The following TRH variants were observed in gnomAD, a reference collection of about 807,000 sequenced individuals.
The protein encoded by TRH is TSH-releasing factor.
In TRH, 5 loss-of-function variants were observed where a neutral mutation model predicts 5.2. The observed-to-expected ratio is 0.95, with a 90% CI of 0.50 to 2.00. The LOEUF (loss-of-function observed/expected upper bound fraction) is 2.00, where lower values mean the gene tolerates loss of function less well. Among genes scored for constraint, TRH ranks in the 30% most tolerant of loss-of-function variants. The pLI, the probability that TRH is intolerant of heterozygous loss-of-function variation, is 0.01. For missense variants in TRH, 318 were observed against 312.8 expected (o/e 1.02, Z -0.13); for synonymous variants, 131 against 128.6 (o/e 1.02, Z -0.13).
At chr3:129,975,381 A>C (rs1024056869) in intron 1 of TRH, among the ~76,000 whole-genome samples, 1 of 152,184 alleles carries the variant, frequency 6.6e-6, no homozygotes, top group Non-Finnish European at 1.5e-5. Context: ...GAACGTGGCG[A>C]TGGGGACCTT....
chr3:129,976,072 G>T lies in TRH; in HGVS notation c.211+45G>T, dbSNP rs370002357. On this transcript the variant is annotated intron_variant, in intron 2 of 2. Coordinates refer to ENST00000302649, the MANE Select transcript of TRH (RefSeq NM_007117.5). Reference sequence around the variant, plus strand: ...GGGGGCTGTGGGGCTAGGCTATTGGGAGAGCCGTGGAAACCTGCCGGCAAA... The same window carrying T: ...GGGGGCTGTGGGGCTAGGCTATTGGTAGAGCCGTGGAAACCTGCCGGCAAA... 3.7e-5 allele frequency: 59 copies of T among 1,589,174 alleles called. No individual in the cohort carries two copies. The African/African-American group carries it at 7.0e-4, about 19-fold the overall frequency.
Position 129,977,007 on chromosome 3 carries a change from G to A in TRH, c.520G>A (p.Glu174Lys). ...GAGCTGGGAAGAAGAGGAGGAGGAG[G>A]AAGAGAGAGAGGAAGACCTGATGCC... ...QRSWEEEEEE[E>K]EREEDLMPEK... is the part of the protein sequence containing the mutation. The change falls in exon 3 of 3, where the codon GAA becomes AAA. Residue 174 changes from glutamate (E) to lysine (K), a missense_variant. Coordinates refer to ENST00000302649, the MANE Select transcript of TRH (RefSeq NM_007117.5). 2 of 1,613,798 alleles carry A rather than the reference G, an allele frequency of 1.2e-6. No individual in the cohort carries two copies. Among genetic ancestry groups the A allele is most frequent in the Non-Finnish European group, 1.7e-6 (2 of 1,179,942 alleles).
At chr3:129,976,163 G>A (rs1299593217) in intron 2 of TRH, 136 bp downstream of exon 2, 19 of 1,062,854 alleles carry the variant, frequency 1.8e-5, no homozygotes, top group African/African-American at 3.2e-5. Flanking sequence ...CCCTGGCTGC[G>A]CCTAGGCGGG....
In TRH at chr3:129,975,971, T is replaced by C. The variant is rs771164122; in HGVS notation, c.155T>C (p.Leu52Pro). 1 of 1,614,054 alleles carries C rather than the reference T, an allele frequency of 6.2e-7. No individual in the cohort carries two copies. The highest frequency in any genetic ancestry group is 8.5e-7 in the Non-Finnish European group (1 of 1,179,974). ...GACTTCCTGCGCCAGGTGGAGCGCCTCCTCTTCCTCCGGGAAAACATCCAG... is the reference window on the plus strand; with the variant it reads ...GACTTCCTGCGCCAGGTGGAGCGCCCCCTCTTCCTCCGGGAAAACATCCAG... ...LDDFLRQVER[L>P]LFLRENIQRL... Residue 52 changes from leucine (L) to proline (P), a missense_variant, in exon 2 of 3, where the codon CTC becomes CCC. Leu to Pro is a moderately conservative substitution (Grantham distance 98, BLOSUM62 -3). Transcript: ENST00000302649.
intron 1 of TRH, among the ~76,000 whole-genome samples, chr3:129,975,183 T>G (rs1225154432): frequency 6.6e-6 from 1 of 152,076 alleles, no homozygotes; most frequent in Non-Finnish European, 1.5e-5. Context: ...ACGCTAGAAA[T>G]AGAATTTTAG....
chr3:129,976,966 A>T lies in TRH; in HGVS notation c.479A>T (p.Asp160Val), dbSNP rs144286314. ...CAGCACCCAGGCAGAAGGCTGGCAGATCCCAAGGCTCAAAGGAGCTGGGAA... is the reference window on the plus strand; with the variant it reads ...CAGCACCCAGGCAGAAGGCTGGCAGTTCCCAAGGCTCAAAGGAGCTGGGAA... The part of the protein sequence containing the change: ...KRQHPGRRLA[D>V]PKAQRSWEEE... Residue 160 changes from aspartate to valine, a missense_variant, in exon 3 of 3, where the codon GAT becomes GTT. Physicochemically the swap from Asp to Val is radical, Grantham distance 152. Transcript: ENST00000302649. 1.4e-5 allele frequency: 23 copies of T among 1,613,116 alleles called. No homozygotes were observed. Among genetic ancestry groups the T allele is most frequent in the Middle Eastern group, 1.6e-4 (1 of 6,082 alleles).
Position 129,975,554 on chromosome 3 carries a change from T to G in TRH, c.-8-255T>G, listed in dbSNP as rs562280268. ...CGCTGGCGATGGGGTTCCTACGGCC[T>G]CCTGCCTTGCGCAAGCAGAACTGGG... On this transcript the variant is annotated intron_variant, in intron 1 of 2. Transcript: ENST00000302649. Among the ~76,000 whole-genome samples, 4 of 152,276 alleles carry G rather than the reference T, an allele frequency of 2.6e-5. No individual in the cohort carries two copies. In the East Asian group the frequency reaches 7.7e-4, roughly 29 times the overall value.
In TRH at chr3:129,977,122, T is replaced by C; in HGVS notation, c.635T>C (p.Leu212Pro). ...AYGQAGLLLG[L>P]LDDLSRSQGA... ...GGTCAAGCGGGCCTTCTGCTGGGGC[T>C]CCTGGATGACCTGAGTAGGAGCCAG... is the stretch of plus-strand genomic sequence containing the variant. Residue 212 changes from leucine (L) to proline (P), a missense_variant, in exon 3 of 3, where the codon CTC becomes CCC. Physicochemically the swap from Leu to Pro is moderately conservative, Grantham distance 98. Transcript: ENST00000302649. 6 of 1,549,950 alleles carry C rather than the reference T, an allele frequency of 3.9e-6. No homozygotes were observed. In the Middle Eastern group the frequency reaches 8.9e-4, roughly 230 times the overall value.
rs139025700 is a variant in TRH, at chr3:129,976,776, G to A, written c.289G>A (p.Val97Ile). The change falls in exon 3 of 3, where the codon GTT becomes ATT. Residue 97 changes from valine to isoleucine, a missense_variant. Coordinates refer to ENST00000302649, the MANE Select transcript of TRH (RefSeq NM_007117.5). ...AAGAGAGGAGGAGGAGGAAGAGGGA[G>A]TTGAAGAAGAGGAAGAGGAAGAAGG... is the stretch of plus-strand genomic sequence containing the variant. Reference protein sequence around the residue: ...GKREEEEEEGVEEEEEEEGGA... With the variant: ...GKREEEEEEGIEEEEEEEGGA... The A allele has an allele frequency of 4.7e-5, 76 of 1,613,950 alleles. No individual in the cohort carries two copies. In the South Asian group the frequency reaches 6.2e-4, roughly 13 times the overall value.
chr3:129,977,464 TCCCA>T lies in TRH; in HGVS notation c.*249_*252del. ...TTAGCACCATAGGCAAGGGGGCAGA[TCCCA>T]GAGCCCCTCTCACCCCCCCCACCAC... On this transcript the variant is annotated 3_prime_UTR_variant, in exon 3 of 3. Coordinates refer to ENST00000302649, the MANE Select transcript of TRH (RefSeq NM_007117.5). 9 of 369,650 alleles carry T rather than the reference TCCCA, an allele frequency of 2.4e-5. No individual in the cohort carries two copies. The highest frequency in any genetic ancestry group is 2.0e-4 in the South Asian group (2 of 9,792). The allele number at this position is 369,650 out of a possible 1,614,324, so 22.9% of individuals were successfully genotyped here.
At position 129,976,015 on chromosome 3, in the gene TRH, GGT is replaced by G; in HGVS notation, c.201_202del (p.Glu68AlafsTer10). 2 of 1,614,046 alleles carry G rather than the reference GGT, an allele frequency of 1.2e-6. No individual in the cohort carries two copies. Among genetic ancestry groups the G allele is most frequent in the Non-Finnish European group, 1.7e-6 (2 of 1,179,950 alleles). ...ENIQRLQGDQ[G>X]EHSASQIFQS... ...CATCCAGCGGCTGCAAGGGGACCAG[GGT>G]GAGCACTCCGGTGAGTGGATGGGGC... On this transcript the variant is annotated frameshift_variant, in exon 2 of 3. Transcript: ENST00000302649. LOFTEE classifies it low-confidence loss of function (END_TRUNC).
Position 129,976,858 on chromosome 3 carries a change from C to T in TRH, c.371C>T (p.Ser124Leu), listed in dbSNP as rs1313478937. The change falls in exon 3 of 3, where the codon TCA (serine) becomes TTA (leucine). Residue 124 changes from serine (S) to leucine (L), a missense_variant. Physicochemically the swap from Ser to Leu is moderately radical, Grantham distance 145. Transcript: ENST00000302649. ...CCTGGCCGACGAGAAGATGAGGCTT[C>T]ATGGTCAGTCGATGTAACCCAGCAC... ...QHPGRREDEA[S>L]WSVDVTQHKR... The T allele has an allele frequency of 2.5e-6, 4 of 1,613,018 alleles. No homozygotes were observed. Among genetic ancestry groups the T allele is most frequent in the East Asian group, 2.2e-5 (1 of 44,782 alleles).
chr3:129,974,913 TGA>T (rs1294906788), intron 1 of TRH, 90 bp downstream of exon 1: 1 of 152,238 alleles, frequency 6.6e-6, no homozygotes, highest in Admixed American at 6.5e-5. Context: ...TTCGGTTCTC[TGA>T]GAGCTTCCTG....
chr3:129,976,045 T>C lies in TRH; in HGVS notation c.211+18T>C, dbSNP rs769926364. The C allele has an allele frequency of 1.2e-6, 2 of 1,611,774 alleles. No homozygotes were observed. The highest frequency in any genetic ancestry group is 1.7e-5 in the Admixed American group (1 of 59,790). On this transcript the variant is annotated intron_variant, in intron 2 of 2. Coordinates refer to ENST00000302649, the MANE Select transcript of TRH (RefSeq NM_007117.5). ...GCACTCCGGTGAGTGGATGGGGCTG[T>C]TGGGGGCTGTGGGGCTAGGCTATTG...
In TRH at chr3:129,974,726, G is replaced by A. The variant is rs5655; in HGVS notation, c.-106G>A. On this transcript the variant is annotated 5_prime_UTR_variant, in exon 1 of 3. Transcript: ENST00000302649. ...GGCCCATCTGAAGAGGGCTCGGCAG[G>A]CGCCCGGGGTCCTCAGCGCTGCAGA... 1.3e-5 allele frequency: 2 copies of A among 152,202 alleles called. No homozygotes were observed. The highest frequency in any genetic ancestry group is 4.8e-5 in the African/African-American group (2 of 41,448). 9.4% of individuals were successfully genotyped at this position (152,202 alleles called of 1,614,324 possible).
intron 1 of TRH, among the ~76,000 whole-genome samples, chr3:129,975,281 A>G (rs11709513): frequency 0.099 from 15,055 of 152,240 alleles, 966 homozygotes; most frequent in South Asian, 0.27. Context: ...AGCTTTGCAA[A>G]TAGACTTTGA....
Position 129,977,187 on chromosome 3 carries a change from G to T in TRH, c.700G>T (p.Ala234Ser), listed in dbSNP as rs1366334728. 8 of 1,518,448 alleles carry T rather than the reference G, an allele frequency of 5.3e-6. No individual in the cohort carries two copies. In the Admixed American group the frequency reaches 1.8e-4, roughly 34 times the overall value. 94.1% of individuals were successfully genotyped at this position (1,518,448 alleles called of 1,614,324 possible). A position where few individuals can be genotyped will look rare whatever the true frequency, so the allele number is the denominator to read the frequency against. ...GCGGCAGCACCCTGGTCGGCGGGCAGCCTGGGTCAGAGAGCCCCTGGAGGA... is the reference window on the plus strand; with the variant it reads ...GCGGCAGCACCCTGGTCGGCGGGCATCCTGGGTCAGAGAGCCCCTGGAGGA... ...EKRQHPGRRA[A>S]WVREPLEE The change falls in exon 3 of 3, where the codon GCC becomes TCC. Residue 234 changes from alanine (A) to serine (S), a missense_variant. Physicochemically the swap from Ala to Ser is moderately conservative, Grantham distance 99. Transcript: ENST00000302649.
chr3:129,977,448 T>C lies in TRH; in HGVS notation c.*232T>C, dbSNP rs760967269. The C allele has an allele frequency of 5.0e-6, 2 of 398,436 alleles. No individual in the cohort carries two copies. The highest frequency in any genetic ancestry group is 9.4e-5 in the South Asian group (1 of 10,602). 24.7% of individuals were successfully genotyped at this position (398,436 alleles called of 1,614,324 possible). On this transcript the variant is annotated 3_prime_UTR_variant, in exon 3 of 3. Transcript: ENST00000302649. ...CCCCACTTTCCTCCACTTAGCACCA[T>C]AGGCAAGGGGGCAGATCCCAGAGCC...
intron 2 of TRH, 73 bp from the exon 3 acceptor site, chr3:129,976,626 G>T: frequency 6.7e-7 from 1 of 1,503,570 alleles, no homozygotes; most frequent in Non-Finnish European, 8.9e-7. Context: ...TGGGAGAAAA[G>T]CAGGAGTGGG....
Sources: gnomAD v4.1 joint callset for allele counts (sites outside exome capture counted in the v4.1 genomes callset) on GRCh38, gnomAD v4.1.1 for gene constraint, MANE v1.5 for transcripts, NCBI Gene and HGNC (gene_info 2026-07-23, HGNC 2026-07-21) for gene names.